Variants in KCNH7 observed in about 807,000 individuals in gnomAD.
The protein encoded by KCNH7 is potassium voltage-gated channel subfamily H member 7, also known as voltage-gated inwardly rectifying potassium channel KCNH7.
In KCNH7, 49 loss-of-function variants were observed where a neutral mutation model predicts 120.8. That is an observed-to-expected ratio of 0.41 (90% CI 0.32 to 0.51). KCNH7 has a LOEUF of 0.51. Ranked by LOEUF, KCNH7 falls within the 20% of genes least tolerant of loss-of-function variation. The probability of loss-of-function intolerance (pLI) is 0.38; values close to 1 mark genes in which losing one functional copy is unlikely to be tolerated. For missense variants in KCNH7, 1,097 were observed against 1,446.6 expected (o/e 0.76, Z 3.92); for synonymous variants, 547 against 516.1 (o/e 1.06, Z -0.81).
At chr2:162,645,093 T>C (rs1282251186) in intron 2 of KCNH7, among the ~76,000 whole-genome samples, 1 of 152,184 alleles carries the variant, frequency 6.6e-6, no homozygotes, top group Non-Finnish European at 1.5e-5. Flanking sequence ...TATTTATGTT[T>C]TTAAAAATCC....
chr2:162,406,216 C>T (rs140737374), intron 9 of KCNH7, among the ~76,000 whole-genome samples: 3 of 151,504 alleles, frequency 2.0e-5, no homozygotes, highest in East Asian at 1.9e-4. Context: ...TTTTTTTAAA[C>T]GCCAGAACAA....
chr2:162,604,775 G>C (rs1694675592), intron 2 of KCNH7, among the ~76,000 whole-genome samples: 1 of 151,830 alleles, frequency 6.6e-6, no homozygotes, highest in African/African-American at 2.4e-5. Flanking sequence ...TCCATCCCCT[G>C]CTCCCTTTTT....
intron 7 of KCNH7, among the ~76,000 whole-genome samples, chr2:162,444,823 G>T (rs1287329339): frequency 3.3e-5 from 5 of 151,934 alleles, no homozygotes; most frequent in Non-Finnish European, 7.4e-5. Flanking sequence ...CCAAAGTTAG[G>T]AGTAGCTAAT....
At chr2:162,567,530 C>T (rs1693299238) in intron 2 of KCNH7, among the ~76,000 whole-genome samples, 1 of 151,930 alleles carries the variant, frequency 6.6e-6, no homozygotes. Context: ...GCAAGTATGG[C>T]TTCAGTAGAG....
rs746537313 is a variant in KCNH7, at chr2:162,372,108, GAACAA to G, written c.3325-18_3325-14del. ...GAAATTCAGGACACTGATGGAAAAA[GAACAA>G]AACAAGTTTTTATAATTCACATTGA... On this transcript the variant is annotated splice_polypyrimidine_tract_variant and intron_variant, in intron 15 of 15. Transcript: ENST00000332142. 5.7e-6 allele frequency: 9 copies of G among 1,592,624 alleles called. No homozygotes were observed. In the Admixed American group the frequency reaches 1.4e-4, roughly 24 times the overall value.
At chr2:162,701,495 C>T (rs973821474) in intron 2 of KCNH7, among the ~76,000 whole-genome samples, 1 of 152,028 alleles carries the variant, frequency 6.6e-6, no homozygotes, top group African/African-American at 2.4e-5. Flanking sequence ...ATTTTACTTA[C>T]TATTTTCAGT....
At chr2:162,427,743 AT>A (rs1332713546) in intron 8 of KCNH7, among the ~76,000 whole-genome samples, 1 of 151,594 alleles carries the variant, frequency 6.6e-6, no homozygotes. Context: ...TTCAGAGTTA[AT>A]TTTGTTTGTT....
At chr2:162,474,644 G>C (rs570938138) in intron 6 of KCNH7, among the ~76,000 whole-genome samples, 1 of 152,356 alleles carries the variant, frequency 6.6e-6, no homozygotes, top group South Asian at 2.1e-4. Flanking sequence ...TGTGGCTTCT[G>C]TCTGTGTGCA....
At chr2:162,721,325 T>C (rs1487938450) in intron 2 of KCNH7, among the ~76,000 whole-genome samples, 1 of 152,194 alleles carries the variant, frequency 6.6e-6, no homozygotes, top group South Asian at 2.1e-4. Context: ...AATCAGCTAT[T>C]GTGGGTCAGC....
chr2:162,410,549 A>G (rs1687360625), intron 9 of KCNH7, among the ~76,000 whole-genome samples: 1 of 152,076 alleles, frequency 6.6e-6, no homozygotes, highest in Non-Finnish European at 1.5e-5. Context: ...GCAAAAATTT[A>G]TGACTAAATC....
intron 8 of KCNH7, among the ~76,000 whole-genome samples, chr2:162,424,441 G>A (rs1028913657): frequency 6.6e-6 from 1 of 152,048 alleles, no homozygotes; most frequent in Non-Finnish European, 1.5e-5. Flanking sequence ...GTCACATCAC[G>A]ATATATATTC....
intron 2 of KCNH7, among the ~76,000 whole-genome samples, chr2:162,599,422 T>C (rs1019593278): frequency 2.0e-4 from 30 of 151,994 alleles, no homozygotes; most frequent in African/African-American, 2.4e-5. Flanking sequence ...TATGAAATAA[T>C]GTTGTGAAAT....
chr2:162,832,401 C>T (rs1685509252), intron 2 of KCNH7, among the ~76,000 whole-genome samples: 1 of 152,026 alleles, frequency 6.6e-6, no homozygotes. Context: ...AACTTCATTG[C>T]TTCTTTAATA....
At chr2:162,548,006 G>T (rs1054917592) in intron 2 of KCNH7, among the ~76,000 whole-genome samples, 2 of 149,722 alleles carry the variant, frequency 1.3e-5, no homozygotes, top group African/African-American at 5.0e-5. Flanking sequence ...GAAAGTAAAG[G>T]TATTTTTTTC....
At chr2:162,558,503 CT>C (rs71410015) in intron 2 of KCNH7, among the ~76,000 whole-genome samples, 5,890 of 80,618 alleles carry the variant, frequency 0.073, 174 homozygotes, top group Admixed American at 0.19. Flanking sequence ...TTCTCAATGG[CT>C]TTTTTTTTTT....
rs192431908 is a variant in KCNH7, at chr2:162,820,438, A to G, written c.307+16099T>C. Among the ~76,000 whole-genome samples the G allele has an allele frequency of 1.5e-3, 222 of 152,204 alleles. 2 individuals carry two copies. Among genetic ancestry groups the G allele is most frequent in the Non-Finnish European group, 1.0e-3 (70 of 68,000 alleles). On this transcript the variant is annotated intron_variant, in intron 2 of 15. Coordinates refer to ENST00000332142, the MANE Select transcript of KCNH7 (RefSeq NM_033272.4). ...GGGTACACCATAAGTCAACAGGAAA[A>G]TAGGCAATTAGGTGTGAAAGGTATA...
At chr2:162,584,408 TA>T (rs1439384804) in intron 2 of KCNH7, among the ~76,000 whole-genome samples, 2 of 152,106 alleles carry the variant, frequency 1.3e-5, no homozygotes, top group African/African-American at 2.4e-5. Flanking sequence ...GAACCTCAGA[TA>T]TTAGTCTGAG....
chr2:162,803,765 T>G (rs1273293457), intron 2 of KCNH7, among the ~76,000 whole-genome samples: 2 of 151,682 alleles, frequency 1.3e-5, no homozygotes, highest in African/African-American at 4.8e-5. Context: ...ACAGGAACAT[T>G]TATTGAAACT....
intron 4 of KCNH7, among the ~76,000 whole-genome samples, chr2:162,515,157 A>G (rs754814381): frequency 6.6e-6 from 1 of 151,784 alleles, no homozygotes; most frequent in South Asian, 2.1e-4. Context: ...GAATTTATCA[A>G]TCTATAGTCA....
Sources: allele counts gnomAD v4.1 joint callset (sites outside exome capture counted in the v4.1 genomes callset), GRCh38; gene constraint gnomAD v4.1.1; transcripts MANE v1.5; gene names NCBI Gene and HGNC (gene_info 2026-07-23, HGNC 2026-07-21).